The following SCFD2 variants were observed in gnomAD, a reference collection of about 807,000 sequenced individuals.
The protein encoded by SCFD2 is sec1 family domain-containing protein 2.
A neutral mutation model predicts 58.9 loss-of-function variants in SCFD2; 54 were observed. The observed-to-expected ratio is 0.92, with a 90% CI of 0.74 to 1.15. SCFD2 has a LOEUF of 1.15. SCFD2 is among the 50% of genes most tolerant of loss of function. SCFD2 has a pLI of 0.00. For synonymous variants in SCFD2, 321 were observed against 335.9 expected, an observed-to-expected ratio of 0.96 and a Z score of 0.49; for missense variants, 805 against 836.6, an observed-to-expected ratio of 0.96 and a Z score of 0.47.
At chr4:53,067,456 G>A (rs368101741) in intron 5 of SCFD2, among the ~76,000 whole-genome samples, 243 of 152,120 alleles carry the variant, frequency 1.6e-3, no homozygotes, top group African/African-American at 5.5e-3. Context: ...GTTCGGCTCT[G>A]TGTCCCCACC....
intron 6 of SCFD2, among the ~76,000 whole-genome samples, chr4:52,909,615 T>C (rs1560478025): frequency 6.6e-6 from 1 of 151,928 alleles, no homozygotes; most frequent in Admixed American, 6.6e-5. Flanking sequence ...GTATTGTTTA[T>C]TTATTTATTT....
intron 4 of SCFD2, among the ~76,000 whole-genome samples, chr4:53,179,033 C>T (rs1727447457): frequency 6.6e-6 from 1 of 152,148 alleles, no homozygotes; most frequent in African/African-American, 2.4e-5. Context: ...ATTGGTGTAC[C>T]TGAAAGTGAT....
intron 4 of SCFD2, among the ~76,000 whole-genome samples, chr4:53,264,273 G>C (rs555608615): frequency 6.6e-6 from 1 of 152,280 alleles, no homozygotes; most frequent in East Asian, 1.9e-4. Context: ...ATCTCAGGGA[G>C]CCTGCAGTAG....
rs1019956196 is a variant in SCFD2, at chr4:52,923,979, T to C, written c.1562-3109A>G. Among the ~76,000 whole-genome samples the C allele has an allele frequency of 2.6e-5, 4 of 152,358 alleles. No homozygotes were observed. In the East Asian group the frequency reaches 5.8e-4, roughly 22 times the overall value. On this transcript the variant is annotated intron_variant, in intron 5 of 8. Transcript: ENST00000401642. ...AATTATATCTAGGAGTTGAGTACTA[T>C]GTACTACTTTTTCAAATTTAAAAAG...
At chr4:53,248,401 C>T (rs989497620) in intron 4 of SCFD2, among the ~76,000 whole-genome samples, 1 of 152,194 alleles carries the variant, frequency 6.6e-6, no homozygotes, top group African/African-American at 2.4e-5. Flanking sequence ...CCAGGAAATT[C>T]GAACTGGGTG....
chr4:52,987,185 C>A (rs1179777199), intron 5 of SCFD2, among the ~76,000 whole-genome samples: 1 of 152,110 alleles, frequency 6.6e-6, no homozygotes, highest in Admixed American at 6.5e-5. Context: ...CCGGCCACTG[C>A]GCCCAGCTAA....
intron 3 of SCFD2, among the ~76,000 whole-genome samples, chr4:53,277,622 A>T (rs1731366551): frequency 6.6e-6 from 1 of 152,214 alleles, no homozygotes; most frequent in African/African-American, 2.4e-5. Flanking sequence ...AAATATATAC[A>T]ATTCATTTCT....
chr4:52,957,992 G>A (rs1288918212), intron 5 of SCFD2: 1 of 152,192 alleles, frequency 6.6e-6, no homozygotes, highest in Non-Finnish European at 1.5e-5. Flanking sequence ...CGGGCTCCTT[G>A]TGTAATTGAA....
intron 1 of SCFD2, among the ~76,000 whole-genome samples, chr4:53,364,719 T>A (rs1388385495): frequency 1.9e-5 from 2 of 107,680 alleles, no homozygotes; most frequent in Non-Finnish European, 4.8e-5. Context: ...TATTAACACT[T>A]CTCCAACAAA....
intron 4 of SCFD2, among the ~76,000 whole-genome samples, chr4:53,233,929 T>C (rs1048138489): frequency 6.6e-6 from 1 of 152,146 alleles, no homozygotes; most frequent in Non-Finnish European, 1.5e-5. Flanking sequence ...TTTATAGATA[T>C]ATCAAAGAAA....
At chr4:53,222,996 A>T (rs540007121) in intron 4 of SCFD2, among the ~76,000 whole-genome samples, 3 of 152,284 alleles carry the variant, frequency 2.0e-5, no homozygotes, top group Admixed American at 6.5e-5. Flanking sequence ...CAGATGTGGA[A>T]CCCATATGGC....
intron 4 of SCFD2, among the ~76,000 whole-genome samples, chr4:53,178,120 G>A (rs1463870131): frequency 6.6e-6 from 1 of 152,224 alleles, no homozygotes; most frequent in African/African-American, 2.4e-5. Flanking sequence ...AGTAACCTCT[G>A]CAGACTTAAA....
intron 5 of SCFD2, among the ~76,000 whole-genome samples, chr4:52,974,161 T>C (rs1177197778): frequency 6.6e-6 from 1 of 152,284 alleles, no homozygotes; most frequent in African/African-American, 2.4e-5. Context: ...TGTTGGAAGT[T>C]CTGGCCAGGG....
At chr4:53,309,934 T>C (rs1732637125) in intron 3 of SCFD2, among the ~76,000 whole-genome samples, 1 of 152,162 alleles carries the variant, frequency 6.6e-6, no homozygotes, top group Non-Finnish European at 1.5e-5. Flanking sequence ...ATTTCCCCTA[T>C]TTTATGGACA....
intron 7 of SCFD2, among the ~76,000 whole-genome samples, chr4:52,897,277 G>T (rs1719047591): frequency 1.3e-5 from 2 of 152,282 alleles, no homozygotes; most frequent in Non-Finnish European, 2.9e-5. Context: ...CATTCAGTAT[G>T]ATATTGGCTG....
intron 5 of SCFD2, among the ~76,000 whole-genome samples, chr4:53,113,036 T>A (rs748556882): frequency 2.6e-5 from 4 of 152,116 alleles, no homozygotes; most frequent in Admixed American, 6.6e-5. Flanking sequence ...TAAATTGGCA[T>A]ACAAGGCCTT....
intron 2 of SCFD2, among the ~76,000 whole-genome samples, chr4:53,351,817 C>T (rs775333507): frequency 1.3e-5 from 2 of 152,070 alleles, no homozygotes; most frequent in Non-Finnish European, 2.9e-5. Context: ...GCTACATATA[C>T]TAATTATATT....
chr4:53,177,479 G>A (rs372378558), intron 4 of SCFD2, among the ~76,000 whole-genome samples: 72 of 152,122 alleles, frequency 4.7e-4, no homozygotes, highest in African/African-American at 1.6e-3. Context: ...AAAGTAAATT[G>A]AGCAAAAAAG....
intron 5 of SCFD2, among the ~76,000 whole-genome samples, chr4:53,071,156 G>C (rs943282250): frequency 1.3e-5 from 2 of 152,114 alleles, no homozygotes; most frequent in Non-Finnish European, 2.9e-5. Context: ...GCTGAACTAT[G>C]AGAAGGAAGC....
Sources: gnomAD v4.1 joint callset for allele counts (sites outside exome capture counted in the v4.1 genomes callset) on GRCh38, gnomAD v4.1.1 for gene constraint, MANE v1.5 for transcripts, NCBI Gene and HGNC (gene_info 2026-07-23, HGNC 2026-07-21) for gene names.